HPSE2: variants seen among roughly 807,000 people sequenced by gnomAD.
HPSE2 encodes the protein heparanase 2 (inactive), also known as inactive heparanase-2.
In HPSE2, 38 loss-of-function variants were observed where a neutral mutation model predicts 60.5. The observed-to-expected ratio is 0.63, with a 90% CI of 0.48 to 0.82. HPSE2 has a LOEUF of 0.82. HPSE2 is among the 40% of genes least tolerant of loss of function. The pLI is 0.00. For synonymous variants in HPSE2, 295 were observed against 293.2 expected (o/e 1.01, Z -0.06); for missense variants, 713 against 740.4 (o/e 0.96, Z 0.43).
At chr10:98,923,397 G>A (rs1272498097) in intron 3 of HPSE2, among the ~76,000 whole-genome samples, 1 of 152,078 alleles carries the variant, frequency 6.6e-6, no homozygotes, top group Non-Finnish European at 1.5e-5. Flanking sequence ...TCTGCCTGGT[G>A]TTCTATAACT....
At chr10:99,228,616 C>T (rs1452401807) in intron 2 of HPSE2, among the ~76,000 whole-genome samples, 1 of 152,086 alleles carries the variant, frequency 6.6e-6, no homozygotes, top group East Asian at 1.9e-4. Flanking sequence ...AGTAAGATTC[C>T]TTGGGTATAA....
At chr10:98,678,989 G>C (rs1349799846) in intron 6 of HPSE2, among the ~76,000 whole-genome samples, 2 of 151,924 alleles carry the variant, frequency 1.3e-5, no homozygotes, top group Non-Finnish European at 2.9e-5. Flanking sequence ...AAAAGAATTG[G>C]GCAAGAAAAA....
intron 5 of HPSE2, among the ~76,000 whole-genome samples, chr10:98,716,309 T>G (rs1948787740): frequency 6.6e-6 from 1 of 151,942 alleles, no homozygotes; most frequent in Admixed American, 6.6e-5. Flanking sequence ...TAGAGTCCAC[T>G]TCTTCCAAAC....
At chr10:98,972,606 G>A (rs755097592) in intron 3 of HPSE2, among the ~76,000 whole-genome samples, 3 of 151,952 alleles carry the variant, frequency 2.0e-5, no homozygotes, top group Non-Finnish European at 4.4e-5. Context: ...TCTCCATTCT[G>A]CTCCCTCAGG....
intron 3 of HPSE2, among the ~76,000 whole-genome samples, chr10:98,750,797 G>A (rs956695837): frequency 6.6e-6 from 1 of 152,156 alleles, no homozygotes; most frequent in African/African-American, 2.4e-5. Context: ...TGTTAAGTTT[G>A]TAATGTCCTT....
intron 2 of HPSE2, among the ~76,000 whole-genome samples, chr10:99,162,836 G>A (rs1388663508): frequency 1.3e-5 from 2 of 151,820 alleles, no homozygotes. Flanking sequence ...TTCTTATCTG[G>A]ATAACTAAAA....
intron 6 of HPSE2, among the ~76,000 whole-genome samples, chr10:98,689,807 T>A (rs1037761128): frequency 6.6e-6 from 1 of 152,214 alleles, no homozygotes; most frequent in African/African-American, 2.4e-5. Flanking sequence ...ACAAGTCTGT[T>A]TTGGTTATAT....
chr10:99,300,426 A>G, the HPSE2 span, among the ~76,000 whole-genome samples: 10 of 152,310 alleles, frequency 6.6e-5, no homozygotes, highest in South Asian at 6.2e-4. Flanking sequence ...ACTCAGATTT[A>G]ACCCATTTCT....
Position 98,459,616 on chromosome 10 carries a change from A to C in HPSE2, c.1737T>G (p.Tyr579Ter). ...CCAAAGCATTGACATTCTTGACCAC[A>C]TAAAAGCCCATGGTGACTGGAGGGA... ...LVIPPVTMGF[Y>*]VVKNVNALAC... The change falls in exon 12 of 12, where the codon TAT (tyrosine) becomes TAG (stop). Residue 579 changes from tyrosine to a stop codon, truncating the protein, a stop_gained. Coordinates refer to ENST00000370552, the MANE Select transcript of HPSE2 (RefSeq NM_021828.5). LOFTEE classifies it high-confidence loss of function. The C allele has an allele frequency of 6.2e-7, 1 of 1,614,144 alleles. No homozygotes were observed. The highest frequency in any genetic ancestry group is 8.5e-7 in the Non-Finnish European group (1 of 1,180,002).
In HPSE2 at chr10:98,756,954, C is replaced by CT. The variant is rs1352658026; in HGVS notation, c.611-12899dup. On this transcript the variant is annotated intron_variant, in intron 3 of 11. Coordinates refer to ENST00000370552, the MANE Select transcript of HPSE2 (RefSeq NM_021828.5). ...ACAAAATACTAGCAAACTAACTAAT[C>CT]TGGCAGCACATCAAAAAGTTAATCC... Among the ~76,000 whole-genome samples the CT allele has an allele frequency of 4.6e-5, 7 of 152,228 alleles. No individual in the cohort carries two copies. In the East Asian group the frequency reaches 5.8e-4, roughly 13 times the overall value.
chr10:98,643,223 G>A (rs537574098), intron 6 of HPSE2, among the ~76,000 whole-genome samples: 16 of 152,284 alleles, frequency 1.1e-4, no homozygotes, highest in East Asian at 9.7e-4. Context: ...GGCAAGTTAC[G>A]TAGTCTCTAT....
At chr10:98,750,164 T>G (rs943540373) in intron 3 of HPSE2, among the ~76,000 whole-genome samples, 3 of 151,804 alleles carry the variant, frequency 2.0e-5, no homozygotes, top group Admixed American at 6.6e-5. Flanking sequence ...GCAAGTCAAG[T>G]AGATAACTAT....
rs150413941 is a variant in HPSE2, at chr10:98,661,231, A to G, written c.1005-19291T>C. ...AAGAAAAGTCACTGGAAGCAGCATG[A>G]TAAAACTTGGACTAATGAAGTCCCA... On this transcript the variant is annotated intron_variant, in intron 6 of 11. Transcript: ENST00000370552. Among the ~76,000 whole-genome samples, 4 of 152,376 alleles carry G rather than the reference A, an allele frequency of 2.6e-5. No individual in the cohort carries two copies. In the East Asian group the frequency reaches 7.7e-4, roughly 29 times the overall value.
At chr10:98,750,291 G>A (rs1032414651) in intron 3 of HPSE2, among the ~76,000 whole-genome samples, 1 of 152,104 alleles carries the variant, frequency 6.6e-6, no homozygotes, top group East Asian at 1.9e-4. Context: ...ATGAATGAGA[G>A]GGAGAGCAGT....
intron 3 of HPSE2, among the ~76,000 whole-genome samples, chr10:98,992,671 C>T (rs546269261): frequency 1.2e-4 from 19 of 152,268 alleles, no homozygotes; most frequent in African/African-American, 4.3e-4. Flanking sequence ...CAAAAAATAG[C>T]AGAATGATGC....
intron 3 of HPSE2, among the ~76,000 whole-genome samples, chr10:99,021,852 T>C (rs1957270992): frequency 6.6e-6 from 1 of 151,060 alleles, no homozygotes; most frequent in Admixed American, 6.6e-5. Context: ...AACACCTTCA[T>C]GAGAACCAAA....
chr10:98,572,891 T>C (rs1344806558), intron 9 of HPSE2, among the ~76,000 whole-genome samples: 1 of 152,192 alleles, frequency 6.6e-6, no homozygotes, highest in Non-Finnish European at 1.5e-5. Flanking sequence ...TACTGACGTG[T>C]ACTAGGAACT....
intron 4 of HPSE2, among the ~76,000 whole-genome samples, chr10:98,731,429 A>G (rs1949225647): frequency 6.6e-6 from 1 of 152,214 alleles, no homozygotes; most frequent in Admixed American, 6.5e-5. Context: ...ACCAAGTGGG[A>G]TTTATGCCAA....
At chr10:99,313,957 A>G in the HPSE2 span, among the ~76,000 whole-genome samples, 4 of 152,108 alleles carry the variant, frequency 2.6e-5, no homozygotes, top group African/African-American at 9.7e-5. Flanking sequence ...AAATAGCATC[A>G]CGTGCTACAG....
Sources: gnomAD v4.1 joint callset for allele counts (sites outside exome capture counted in the v4.1 genomes callset) on GRCh38, gnomAD v4.1.1 for gene constraint, MANE v1.5 for transcripts, NCBI Gene and HGNC (gene_info 2026-07-23, HGNC 2026-07-21) for gene names.